CCDC171: variants seen among roughly 807,000 people sequenced by gnomAD.
The protein encoded by CCDC171 is coiled-coil domain containing 171.
CCDC171 carries 177 observed loss-of-function variants against 168.2 expected under a neutral mutation model. The ratio of observed to expected loss-of-function variants is 1.05; its 90% confidence interval spans 0.93 to 1.19. The LOEUF is 1.19. CCDC171 is among the 50% of genes most tolerant of loss of function. CCDC171 has a pLI of 0.00. For synonymous variants in CCDC171, 687 were observed against 540.8 expected, an observed-to-expected ratio of 1.27 and a Z score of -3.75; for missense variants, 1,991 against 1,539.0, an observed-to-expected ratio of 1.29 and a Z score of -4.91.
chr9:15,775,605 A>C (rs1027273855), intron 18 of CCDC171, among the ~76,000 whole-genome samples: 2 of 152,254 alleles, frequency 1.3e-5, no homozygotes, highest in Non-Finnish European at 2.9e-5. Flanking sequence ...GGAGTGAGCC[A>C]CTGTGACCGG....
chr9:16,017,996 C>T (rs1833072323), intron 3 of CCDC171, among the ~76,000 whole-genome samples: 1 of 152,118 alleles, frequency 6.6e-6, no homozygotes, highest in Non-Finnish European at 1.5e-5. Flanking sequence ...CAAAACATGC[C>T]CTTATCTCAT....
intron 11 of CCDC171, among the ~76,000 whole-genome samples, chr9:15,714,879 A>G (rs1355338554): frequency 6.6e-6 from 1 of 152,194 alleles, no homozygotes; most frequent in Non-Finnish European, 1.5e-5. Flanking sequence ...TTTTGGTTCT[A>G]GGAACACCAT....
intron 21 of CCDC171, among the ~76,000 whole-genome samples, chr9:15,835,701 A>G (rs1435713817): frequency 1.3e-5 from 2 of 152,194 alleles, no homozygotes; most frequent in Non-Finnish European, 2.9e-5. Flanking sequence ...TGCTGGGATT[A>G]CAGGCATGAG....
chr9:15,839,711 C>G (rs2060593498), intron 21 of CCDC171, among the ~76,000 whole-genome samples: 1 of 152,086 alleles, frequency 6.6e-6, no homozygotes, highest in Non-Finnish European at 1.5e-5. Flanking sequence ...TGAATACTTA[C>G]AATATGAGAG....
At chr9:15,840,695 C>A (rs1186512650) in intron 21 of CCDC171, among the ~76,000 whole-genome samples, 1 of 152,102 alleles carries the variant, frequency 6.6e-6, no homozygotes, top group East Asian at 1.9e-4. Flanking sequence ...CACAATAAAT[C>A]TAGCTACCAC....
intron 5 of CCDC171, 29 bp from the exon 6 acceptor site, chr9:15,594,012 C>T (rs1280937354): frequency 1.3e-6 from 2 of 1,517,128 alleles, no homozygotes; most frequent in Admixed American, 2.0e-5. Context: ...ATTGATCTAA[C>T]AGTAAAGCAA....
chr9:16,006,088 C>T (rs1832687716), intron 3 of CCDC171, among the ~76,000 whole-genome samples: 1 of 152,068 alleles, frequency 6.6e-6, no homozygotes, highest in South Asian at 2.1e-4. Context: ...TCTCGAACTC[C>T]TGACCTCAGG....
intron 7 of CCDC171, among the ~76,000 whole-genome samples, chr9:15,646,087 A>C (rs1161941497): frequency 6.6e-6 from 1 of 152,220 alleles, no homozygotes; most frequent in East Asian, 1.9e-4. Flanking sequence ...AGTGGGGGCC[A>C]ATATTCAACA....
At chr9:15,752,976 C>A (rs1564347643) in intron 18 of CCDC171, among the ~76,000 whole-genome samples, 1 of 151,890 alleles carries the variant, frequency 6.6e-6, no homozygotes. Context: ...AAGCTATCTT[C>A]TTGTTTATGT....
In CCDC171 at chr9:15,847,632, C is replaced by T. The variant is rs543234571; in HGVS notation, c.3413+785C>T. On this transcript the variant is annotated intron_variant, in intron 22 of 25. Transcript: ENST00000380701. ...AAGAAACATCTAATTTTGATAAACG[C>T]AGTGTTTTCTAAATTTAGAATTCTG... 7.8e-4 allele frequency among the ~76,000 whole-genome samples: 119 copies of T among 152,134 alleles called. 1 individual carries two copies. Among genetic ancestry groups the T allele is most frequent in the African/African-American group, 2.6e-3 (107 of 41,524 alleles).
At chr9:15,870,170 G>A (rs2061975532) in intron 23 of CCDC171, among the ~76,000 whole-genome samples, 1 of 151,788 alleles carries the variant, frequency 6.6e-6, no homozygotes, top group Non-Finnish European at 1.5e-5. Context: ...TGTGCTGACT[G>A]TACACTGCTC....
upstream of CCDC171, among the ~76,000 whole-genome samples, chr9:16,039,113 C>G (rs1190346333): frequency 6.6e-6 from 1 of 152,180 alleles, no homozygotes; most frequent in Non-Finnish European, 1.5e-5. Flanking sequence ...TTCAACAAGT[C>G]ATTTTGGGAA....
chr9:15,572,853 T>C (rs79894091), intron 3 of CCDC171, among the ~76,000 whole-genome samples: 4,205 of 152,278 alleles, frequency 0.028, 204 homozygotes, highest in African/African-American at 0.096. Flanking sequence ...TCAGTAGTTG[T>C]GTATTGAATA....
chr9:15,905,797 G>A (rs1221980322), intron 24 of CCDC171, among the ~76,000 whole-genome samples: 2 of 152,142 alleles, frequency 1.3e-5, no homozygotes, highest in Non-Finnish European at 2.9e-5. Context: ...AAGAAGAAAA[G>A]AGAGAAGAAT....
Position 15,723,699 on chromosome 9 carries a change from C to G in CCDC171, c.1444C>G (p.Leu482Val). The change falls in exon 13 of 26, where the codon CTT (leucine) becomes GTT (valine). Residue 482 changes from leucine to valine, a missense_variant. Coordinates refer to ENST00000380701, the MANE Select transcript of CCDC171 (RefSeq NM_173550.4). ...TGTTAAGGAAAAGGCATGTAATGAA[C>G]TTGATTCTACGAAACAGAAGATAGA... ...ASNEEKACNE[L>V]DSTKQKIDSH... 1 of 1,592,046 alleles carries G rather than the reference C, an allele frequency of 6.3e-7. No individual in the cohort carries two copies. Among genetic ancestry groups the G allele is most frequent in the Non-Finnish European group, 8.6e-7 (1 of 1,166,114 alleles).
chr9:15,563,219 A>G (rs911277421), intron 1 of CCDC171, among the ~76,000 whole-genome samples: 1 of 151,074 alleles, frequency 6.6e-6, no homozygotes, highest in African/African-American at 2.4e-5. Flanking sequence ...GCTCACTGCA[A>G]CCTCCGCCTC....
rs1297195120 is a variant in CCDC171 at position 15,678,904 on chromosome 9, T to G, written c.1215+8T>G. 2 of 1,568,412 alleles carry G rather than the reference T, an allele frequency of 1.3e-6. No individual in the cohort carries two copies. The highest frequency in any genetic ancestry group is 2.8e-5 in the African/African-American group (2 of 72,140). On this transcript the variant is annotated splice_region_variant and intron_variant, in intron 10 of 25. Coordinates refer to ENST00000380701, the MANE Select transcript of CCDC171 (RefSeq NM_173550.4). ...CAGGAAGAACTAGTAATGGTAAGGA[T>G]AAAAAAGAAAACCCTATGGAAATCA... is the stretch of plus-strand genomic sequence containing the variant.
At chr9:15,694,719 A>T (rs894559363) in intron 10 of CCDC171, among the ~76,000 whole-genome samples, 1 of 152,134 alleles carries the variant, frequency 6.6e-6, no homozygotes, top group Non-Finnish European at 1.5e-5. Flanking sequence ...CCATTCTACC[A>T]TCTTAGTCTC....
At chr9:16,075,395 A>AAT in the CCDC171 span, among the ~76,000 whole-genome samples, 1 of 152,094 alleles carries the variant, frequency 6.6e-6, no homozygotes, top group Non-Finnish European at 1.5e-5. Context: ...TGTCTCTCTG[A>AAT]ATATATATAT....
Sources: gnomAD v4.1 joint callset for allele counts (sites outside exome capture counted in the v4.1 genomes callset) on GRCh38, gnomAD v4.1.1 for gene constraint, MANE v1.5 for transcripts, NCBI Gene and HGNC (gene_info 2026-07-23, HGNC 2026-07-21) for gene names.